Variants in DENND5A observed in about 807,000 individuals in gnomAD.
DENND5A encodes the protein DENN domain containing 5A.
Under a neutral mutation model 140.3 loss-of-function variants are expected in DENND5A, and 64 were observed. That is an observed-to-expected ratio of 0.46 (90% CI 0.37 to 0.56). The LOEUF (loss-of-function observed/expected upper bound fraction) is 0.56. DENND5A is among the 20% of genes least tolerant of loss of function. DENND5A has a pLI of 0.00. For synonymous variants in DENND5A, 605 were observed against 607.7 expected (o/e 1.00, Z 0.07); for missense variants, 1,292 against 1,593.8 (o/e 0.81, Z 3.22).
intron 1 of DENND5A, among the ~76,000 whole-genome samples, chr11:9,249,801 C>T (rs1048460961): frequency 9.9e-5 from 15 of 152,012 alleles, no homozygotes; most frequent in African/African-American, 3.4e-4. Flanking sequence ...CCACCCACCT[C>T]GGCTTCCCAA....
At chr11:9,145,327 C>G (rs1195578233) in intron 17 of DENND5A, 1 of 591,192 alleles carries the variant, frequency 1.7e-6, no homozygotes, top group African/African-American at 1.9e-5. Context: ...CCTAGAAGAA[C>G]AGGGTCAGGG....
At chr11:9,233,182 C>T (rs746962478) in intron 1 of DENND5A, among the ~76,000 whole-genome samples, 1 of 152,056 alleles carries the variant, frequency 6.6e-6, no homozygotes, top group Non-Finnish European at 1.5e-5. Flanking sequence ...AGGCGGATCA[C>T]GAGGTCAGGA....
chr11:9,199,290 A>G (rs1849446721), intron 4 of DENND5A, among the ~76,000 whole-genome samples: 1 of 152,026 alleles, frequency 6.6e-6, no homozygotes, highest in East Asian at 1.9e-4. Flanking sequence ...TTAAGCCCAG[A>G]GTTCAAGATC....
At chr11:9,142,930 A>G in intron 20 of DENND5A, 85 bp from the exon 21 acceptor site, 1 of 1,547,762 alleles carries the variant, frequency 6.5e-7, no homozygotes, top group Admixed American at 1.9e-5. Context: ...CACAGCCCAG[A>G]GTTGGGAGGG....
rs1847459415 is a variant in DENND5A, at chr11:9,147,157, G to GAGCTCATGGTCT, written c.2736-7_2736-6insAGACCATGAGCT. ...CATAGCGCTTATATAACTTTCTGTT[G>GAGCTCATGGTCT]GAGAGGAGGTAATACATCAGTCTCC... On this transcript the variant is annotated splice_region_variant and splice_polypyrimidine_tract_variant and intron_variant, in intron 15 of 22. Transcript: ENST00000328194. 1.9e-6 allele frequency: 3 copies of GAGCTCATGGTCT among 1,613,780 alleles called. No homozygotes were observed. The South Asian group carries it at 3.3e-5, about 18-fold the overall frequency.
chr11:9,213,001 A>ATTTTT (rs71062814), intron 1 of DENND5A, among the ~76,000 whole-genome samples: 1 of 126,300 alleles, frequency 7.9e-6, no homozygotes, highest in African/African-American at 3.0e-5. Context: ...CCTGGTTCTG[A>ATTTTT]TTTTTTTTTT....
At position 9,233,310 on chromosome 11, in the gene DENND5A, A is replaced by C. The variant is rs1850852383; in HGVS notation, c.110-25678T>G. On this transcript the variant is annotated intron_variant, in intron 1 of 22. Coordinates refer to ENST00000328194, the MANE Select transcript of DENND5A (RefSeq NM_015213.4). ...GCTACTCAGGAGGCTGAGGCAGGAGAATTGTTTGAACCCAGGAGGCAGAGG... is the reference window on the plus strand; with the variant it reads ...GCTACTCAGGAGGCTGAGGCAGGAGCATTGTTTGAACCCAGGAGGCAGAGG... Among the ~76,000 whole-genome samples, 2 of 151,624 alleles carry C rather than the reference A, an allele frequency of 1.3e-5. 1 individual carries two copies. Among genetic ancestry groups the C allele is most frequent in the South Asian group, 4.2e-4 (2 of 4,806 alleles).
At chr11:9,163,502 T>G (rs569580737) in intron 11 of DENND5A, among the ~76,000 whole-genome samples, 21 of 152,206 alleles carry the variant, frequency 1.4e-4, no homozygotes, top group African/African-American at 5.1e-4. Flanking sequence ...TCTCATGACT[T>G]AAGAATTTTG....
At chr11:9,230,822 T>A (rs1187496888) in intron 1 of DENND5A, among the ~76,000 whole-genome samples, 1 of 151,876 alleles carries the variant, frequency 6.6e-6, no homozygotes, top group Non-Finnish European at 1.5e-5. Flanking sequence ...GGGAGACCGG[T>A]CTCTACAAAG....
At chr11:9,199,606 G>C (rs886378023) in intron 4 of DENND5A, among the ~76,000 whole-genome samples, 1 of 151,988 alleles carries the variant, frequency 6.6e-6, no homozygotes, top group Non-Finnish European at 1.5e-5. Context: ...TAAATAAAAT[G>C]ACCTATACCA....
chr11:9,198,340 C>T (rs989525710), intron 4 of DENND5A, among the ~76,000 whole-genome samples: 2 of 150,688 alleles, frequency 1.3e-5, no homozygotes, highest in South Asian at 4.2e-4. Context: ...CAGGGCTGGG[C>T]GCAGTGGCTC....
chr11:9,172,345 G>T (rs1848398661), intron 8 of DENND5A: 1 of 152,170 alleles, frequency 6.6e-6, no homozygotes, highest in Non-Finnish European at 1.5e-5. Context: ...TTAAAATCTG[G>T]TAGAGAAAGT....
intron 1 of DENND5A, among the ~76,000 whole-genome samples, chr11:9,252,187 A>G (rs1851753180): frequency 6.7e-6 from 1 of 148,458 alleles, no homozygotes; most frequent in Non-Finnish European, 1.5e-5. Flanking sequence ...AGTCCCAGCT[A>G]CTCGGGAGGC....
intron 7 of DENND5A, 102 bp downstream of exon 7, chr11:9,178,756 G>A (rs1848629090): frequency 1.4e-5 from 14 of 1,000,542 alleles, no homozygotes; most frequent in Admixed American, 2.0e-5. Flanking sequence ...TCCAGCATAT[G>A]ATAATCTTCC....
chr11:9,185,995 G>C (rs1032113860), intron 5 of DENND5A, among the ~76,000 whole-genome samples: 5 of 152,104 alleles, frequency 3.3e-5, no homozygotes, highest in Non-Finnish European at 7.3e-5. Context: ...GACACTGAAG[G>C]GTAGGCGTAA....
intron 5 of DENND5A, among the ~76,000 whole-genome samples, chr11:9,182,177 G>A (rs566328718): frequency 6.6e-5 from 10 of 152,268 alleles, no homozygotes; most frequent in Admixed American, 5.9e-4. Flanking sequence ...GTAGCCAGGT[G>A]TGGTGATGGG....
intron 1 of DENND5A, among the ~76,000 whole-genome samples, chr11:9,263,920 C>T (rs1270086077): frequency 6.6e-6 from 1 of 150,716 alleles, no homozygotes; most frequent in Admixed American, 6.6e-5. Context: ...GTCTTGTCAT[C>T]GTTGAAGCCG....
At chr11:9,252,845 C>A (rs1431596652) in intron 1 of DENND5A, among the ~76,000 whole-genome samples, 1 of 143,440 alleles carries the variant, frequency 7.0e-6, no homozygotes, top group Non-Finnish European at 1.5e-5. Flanking sequence ...CCAGGGACAG[C>A]AACAGGATTT....
At chr11:9,153,887 G>A (rs1847716171) in intron 12 of DENND5A, among the ~76,000 whole-genome samples, 1 of 152,200 alleles carries the variant, frequency 6.6e-6, no homozygotes, top group Non-Finnish European at 1.5e-5. Flanking sequence ...CCTGATGTGA[G>A]GGAGTAATTC....
Sources: allele counts gnomAD v4.1 joint callset (sites outside exome capture counted in the v4.1 genomes callset), GRCh38; gene constraint gnomAD v4.1.1; transcripts MANE v1.5; gene names NCBI Gene and HGNC (gene_info 2026-07-23, HGNC 2026-07-21).